The following SCIN variants were observed in gnomAD, a reference collection of about 807,000 sequenced individuals.
SCIN encodes the protein scinderin, also known as adseverin.
Under a neutral mutation model 91.8 loss-of-function variants are expected in SCIN, and 91 were observed. That is an observed-to-expected ratio of 0.99 (90% CI 0.84 to 1.18). The LOEUF (loss-of-function observed/expected upper bound fraction) is 1.18, where lower values mean the gene tolerates loss of function less well. Ranked by LOEUF, SCIN falls within the 50% of genes most tolerant of loss-of-function variation. The probability of loss-of-function intolerance (pLI) is 0.00; values close to 1 mark genes in which losing one functional copy is unlikely to be tolerated. For synonymous variants in SCIN, 367 were observed against 312.6 expected, an observed-to-expected ratio of 1.17 and a Z score of -1.84; for missense variants, 1,087 against 863.9, an observed-to-expected ratio of 1.26 and a Z score of -3.24.
At chr7:12,636,228 T>C (rs1783749513) in intron 10 of SCIN, 93 bp downstream of exon 10, 3 of 865,008 alleles carry the variant, frequency 3.5e-6, no homozygotes, top group Non-Finnish European at 5.5e-6. Flanking sequence ...GGATAGAAAT[T>C]TGACATTTTC....
intron 3 of SCIN, among the ~76,000 whole-genome samples, chr7:12,589,925 T>C (rs913783463): frequency 2.0e-5 from 3 of 152,164 alleles, no homozygotes; most frequent in Non-Finnish European, 2.9e-5. Flanking sequence ...TCCAGTGCTA[T>C]GGGCAAAAGG....
At chr7:12,577,855 C>CA (rs5882366) in intron 1 of SCIN, 8,020 of 401,094 alleles carry the variant, frequency 0.02, 12 homozygotes, top group East Asian at 0.037. Flanking sequence ...CACCCTCTCT[C>CA]AAAAAAAAAA....
chr7:12,603,136 T>A (rs982497446), intron 3 of SCIN, among the ~76,000 whole-genome samples: 2 of 152,122 alleles, frequency 1.3e-5, no homozygotes, highest in South Asian at 4.1e-4. Flanking sequence ...TTTCTTGTTA[T>A]TAAAAGCACA....
In SCIN at chr7:12,579,436, A is replaced by G. The variant is rs541304607; in HGVS notation, c.354+1218A>G. Among the ~76,000 whole-genome samples, 3 of 152,326 alleles carry G rather than the reference A, an allele frequency of 2.0e-5. No individual in the cohort carries two copies. In the East Asian group the frequency reaches 5.8e-4, roughly 29 times the overall value. ...TGTCAGTGAACTCAACATTTTAAAT[A>G]AATTGAGTCTTGTAGTTACTAAAAG... On this transcript the variant is annotated intron_variant, in intron 2 of 15. Coordinates refer to ENST00000297029, the MANE Select transcript of SCIN (RefSeq NM_001112706.3).
At chr7:12,604,446 A>C (rs2115249872) in intron 3 of SCIN, 68 bp from the exon 4 acceptor site, 1 of 1,358,768 alleles carries the variant, frequency 7.4e-7, no homozygotes, top group East Asian at 2.5e-5. Context: ...ATTAATCACA[A>C]GTATTACACT....
chr7:12,604,681 G>T lies in SCIN; in HGVS notation c.666+18G>T. 6.5e-7 allele frequency: 1 copy of T among 1,549,128 alleles called. No homozygotes were observed. The highest frequency in any genetic ancestry group is 8.7e-7 in the Non-Finnish European group (1 of 1,145,730). ...TTATAAAGGTATTGTGACTCCTGTT[G>T]TTTGTTAAAGGGTTACCACTCCAAC... On this transcript the variant is annotated intron_variant, in intron 4 of 15. Transcript: ENST00000297029.
chr7:12,593,747 C>T (rs1782776979), intron 3 of SCIN, among the ~76,000 whole-genome samples: 1 of 152,060 alleles, frequency 6.6e-6, no homozygotes, highest in East Asian at 1.9e-4. Context: ...GTACACTTGG[C>T]CAGGGTCTGT....
intron 4 of SCIN, among the ~76,000 whole-genome samples, chr7:12,621,920 T>A (rs1339590911): frequency 6.6e-6 from 1 of 151,810 alleles, no homozygotes; most frequent in Admixed American, 6.6e-5. Flanking sequence ...TAAAACACAT[T>A]ATGTAAGGAA....
intron 4 of SCIN, among the ~76,000 whole-genome samples, chr7:12,605,114 C>T (rs1005106630): frequency 4.0e-5 from 6 of 151,682 alleles, no homozygotes; most frequent in South Asian, 2.1e-4. Flanking sequence ...TGCAGTGGCA[C>T]GATCTCCACT....
chr7:12,589,046 C>T (rs1279077190), intron 3 of SCIN: 2 of 151,952 alleles, frequency 1.3e-5, no homozygotes, highest in Non-Finnish European at 2.9e-5. Context: ...GGTGAAGGCT[C>T]TAACACGGCC....
In SCIN at chr7:12,629,205, A is replaced by G. The variant is rs778596835; in HGVS notation, c.1302A>G (p.Gly434=). The change falls in exon 9 of 16, where the codon GGA becomes GGG. Residue 434 remains glycine (G), a synonymous_variant. Transcript: ENST00000297029. ...TCATACTCTACACCTATCCCAGAGG[A>G]CAGATTATCTACACGTGGTGAGTTT... ...CYIILYTYPR[G]QIIYTWQGAN... 6.2e-7 allele frequency: 1 copy of G among 1,611,584 alleles called. No homozygotes were observed. The highest frequency in any genetic ancestry group is 1.1e-5 in the South Asian group (1 of 90,320).
chr7:12,610,467 C>T (rs887751745), intron 4 of SCIN, among the ~76,000 whole-genome samples: 2 of 152,192 alleles, frequency 1.3e-5, no homozygotes, highest in Admixed American at 6.5e-5. Flanking sequence ...TGAGGGCAGG[C>T]ACTGCCTTTA....
rs1784232331 is a variant in SCIN, at chr7:12,660,033, C to G, written c.*7318C>G. 1 of 152,338 alleles carries G rather than the reference C, an allele frequency of 6.6e-6. No homozygotes were observed. Among genetic ancestry groups the G allele is most frequent in the East Asian group, 1.9e-4 (1 of 5,158 alleles). 9.4% of individuals were successfully genotyped at this position (152,338 alleles called of 1,614,324 possible). A position where few individuals can be genotyped will look rare whatever the true frequency, so the allele number is the denominator to read the frequency against. On this transcript the variant is annotated 3_prime_UTR_variant, in exon 16 of 16. Coordinates refer to ENST00000297029, the MANE Select transcript of SCIN (RefSeq NM_001112706.3). ...TGAGAATGTACTTTGTGAGATCCACCCCCTGCCAGCAAAACATTGCTCCTG... is the reference window on the plus strand; with the variant it reads ...TGAGAATGTACTTTGTGAGATCCACGCCCTGCCAGCAAAACATTGCTCCTG...
At chr7:12,589,090 T>G (rs1782659776) in intron 3 of SCIN, 1 of 152,056 alleles carries the variant, frequency 6.6e-6, no homozygotes, top group Non-Finnish European at 1.5e-5. Flanking sequence ...GTAAGAGACA[T>G]GGGCCAAGTG....
intron 3 of SCIN, among the ~76,000 whole-genome samples, chr7:12,594,537 A>G (rs547884587): frequency 5.9e-5 from 9 of 152,278 alleles, no homozygotes; most frequent in East Asian, 1.9e-4. Context: ...CCATTGTCCA[A>G]TTGGTATTGA....
Position 12,625,096 on chromosome 7 carries a change from C to A in SCIN, c.846C>A (p.Cys282Ter), listed in dbSNP as rs1316915407. ...FSMAMLLSEE[C>*]FILDHGAAKQ... is the part of the protein sequence containing the mutation. ...TGGCAATGCTGCTGTCTGAAGAATG[C>A]TTTATTTTGGACCACGGGGCTGCCA... The change falls in exon 6 of 16, where the codon TGC becomes TGA. Residue 282 changes from cysteine to a stop codon, truncating the protein, a stop_gained. Transcript: ENST00000297029. LOFTEE classifies it high-confidence loss of function. 6.2e-7 allele frequency: 1 copy of A among 1,608,250 alleles called. No homozygotes were observed. The highest frequency in any genetic ancestry group is 8.5e-7 in the Non-Finnish European group (1 of 1,177,290).
intron 13 of SCIN, among the ~76,000 whole-genome samples, chr7:12,646,614 C>T (rs1361272531): frequency 6.7e-6 from 1 of 148,426 alleles, no homozygotes; most frequent in African/African-American, 2.5e-5. Context: ...ACCTAAATTT[C>T]AAAAAAAAAA....
At chr7:12,573,803 T>C (rs1212931162) in intron 1 of SCIN, among the ~76,000 whole-genome samples, 1 of 152,206 alleles carries the variant, frequency 6.6e-6, no homozygotes, top group East Asian at 1.9e-4. Context: ...TAAAGCAGTA[T>C]ACATTTATGT....
At chr7:12,625,921 A>C in intron 7 of SCIN, 71 bp downstream of exon 7, 2 of 1,159,318 alleles carry the variant, frequency 1.7e-6, no homozygotes, top group Non-Finnish European at 2.5e-6. Context: ...CACGAAACTC[A>C]TGAAAAAGTT....
Sources: allele counts gnomAD v4.1 joint callset (sites outside exome capture counted in the v4.1 genomes callset), GRCh38; gene constraint gnomAD v4.1.1; transcripts MANE v1.5; gene names NCBI Gene and HGNC (gene_info 2026-07-23, HGNC 2026-07-21).